CACNA1A: variants seen among roughly 807,000 people sequenced by gnomAD.
The protein encoded by CACNA1A is voltage-dependent P/Q-type calcium channel subunit alpha-1A.
In CACNA1A, 57 loss-of-function variants were observed where a neutral mutation model predicts 262.4. The observed-to-expected ratio is 0.22, with a 90% CI of 0.18 to 0.27. The LOEUF is 0.27. Ranked by LOEUF, CACNA1A falls within the 10% of genes least tolerant of loss-of-function variation. CACNA1A has a pLI of 1.00. For missense variants in CACNA1A, 2,526 were observed against 3,562.8 expected (o/e 0.71, Z 7.41); for synonymous variants, 1,431 against 1,419.3 (o/e 1.01, Z -0.18).
chr19:13,211,055 G>A, intron 43 of CACNA1A: 1 of 230,268 alleles, frequency 4.3e-6, no homozygotes, highest in Non-Finnish European at 8.8e-6. Context: ...CGTCAGCTGG[G>A]CTTGTCCCAA....
At chr19:13,257,141 C>G in intron 28 of CACNA1A, 1 of 416,032 alleles carries the variant, frequency 2.4e-6, no homozygotes, top group Admixed American at 3.8e-5. Context: ...GCGGCATAAC[C>G]TAGTCTAAAC....
intron 1 of CACNA1A, among the ~76,000 whole-genome samples, chr19:13,481,796 C>T (rs1979351724): frequency 6.6e-6 from 1 of 152,070 alleles, no homozygotes; most frequent in Admixed American, 6.5e-5. Context: ...GCCTGAGGGA[C>T]CGTTTCTAGG....
At position 13,308,366 on chromosome 19, in the gene CACNA1A, T is replaced by TA; in HGVS notation, c.1781+49_1781+50insT. On this transcript the variant is annotated intron_variant, in intron 13 of 46. Coordinates refer to ENST00000360228, the MANE Select transcript of CACNA1A (RefSeq NM_001127222.2). This position sits in a 1 kb window ranked among gnomAD's most constrained non-coding sequence, Gnocchi z 4.2. ...ACTTTCTGGAGGCGGCCCCACCATGTCCCCCATCCCCACCCCCTGTACAAA... is the reference window on the plus strand; with the variant it reads ...ACTTTCTGGAGGCGGCCCCACCATGTACCCCCATCCCCACCCCCTGTACAAA... 6.5e-7 allele frequency: 1 copy of TA among 1,529,626 alleles called. No homozygotes were observed. The highest frequency in any genetic ancestry group is 8.9e-7 in the Non-Finnish European group (1 of 1,122,970). The allele number at this position is 1,529,626 out of a possible 1,614,324, so 94.8% of individuals were successfully genotyped here. A position where few individuals can be genotyped will look rare whatever the true frequency, so the allele number is the denominator to read the frequency against.
chr19:13,499,274 A>G (rs1280586542), intron 1 of CACNA1A, among the ~76,000 whole-genome samples: 2 of 152,128 alleles, frequency 1.3e-5, no homozygotes, highest in East Asian at 3.9e-4. Flanking sequence ...AAAGGAGGAA[A>G]GAGAATTAAT....
At chr19:13,238,130 C>G (rs1308677169) in intron 31 of CACNA1A, among the ~76,000 whole-genome samples, 1 of 152,120 alleles carries the variant, frequency 6.6e-6, no homozygotes, top group African/African-American at 2.4e-5. Flanking sequence ...TACTAGTCTG[C>G]CCTCATCCAC....
rs766371895 is a variant in CACNA1A at position 13,208,762 on chromosome 19, G to A, written c.6774C>T (p.His2258=). 6.4e-7 allele frequency: 1 copy of A among 1,574,262 alleles called. No individual in the cohort carries two copies. The highest frequency in any genetic ancestry group is 8.6e-7 in the Non-Finnish European group (1 of 1,166,986). The change falls in exon 46 of 47, where the codon CAC becomes CAT. Residue 2258 remains histidine, a synonymous_variant. Coordinates refer to ENST00000360228, the MANE Select transcript of CACNA1A (RefSeq NM_001127222.2). The part of the protein sequence containing the change: ...SPSEGREHMA[H]RQGSSSVSGS... Reference sequence around the variant, plus strand: ...CACTTGCAGCCGCACCCACCTGCCGGTGCGCCATGTGCTCTCGGCCCTCGC... The same window carrying A: ...CACTTGCAGCCGCACCCACCTGCCGATGCGCCATGTGCTCTCGGCCCTCGC...
At chr19:13,317,454 CCAT>C in intron 10 of CACNA1A, 133 bp from the exon 11 acceptor site, 1 of 659,674 alleles carries the variant, frequency 1.5e-6, no homozygotes, top group East Asian at 2.7e-5. Flanking sequence ...CCTGAGGGAA[CCAT>C]CATGACCCAT....
intron 6 of CACNA1A, among the ~76,000 whole-genome samples, chr19:13,353,472 C>T (rs977525788): frequency 6.6e-6 from 1 of 152,028 alleles, no homozygotes; most frequent in African/African-American, 2.4e-5. Flanking sequence ...CCCCTGTATC[C>T]TTAATATTCT....
At chr19:13,299,382 G>A in intron 18 of CACNA1A, 29 bp from the exon 19 acceptor site, 6 of 1,586,418 alleles carry the variant, frequency 3.8e-6, no homozygotes, top group Non-Finnish European at 5.1e-6. Context: ...AGGACTTAGA[G>A]CATTGCTAGG....
intron 10 of CACNA1A, among the ~76,000 whole-genome samples, chr19:13,328,023 T>C (rs28526398): frequency 0.24 from 37,233 of 152,122 alleles, 5,740 homozygotes; most frequent in African/African-American, 0.44. Context: ...CTTAGCTTCC[T>C]AAATAGATGG....
chr19:13,261,905 A>C, intron 25 of CACNA1A: 1 of 299,312 alleles, frequency 3.3e-6, no homozygotes, highest in Non-Finnish European at 6.3e-6. Context: ...TTCCTTTCCA[A>C]CTCTCTCAAT....
chr19:13,503,852 C>A (rs1982691253), intron 1 of CACNA1A, among the ~76,000 whole-genome samples: 1 of 152,004 alleles, frequency 6.6e-6, no homozygotes, highest in East Asian at 1.9e-4. Context: ...GCGAGCTGGC[C>A]AGAGAATAGA....
At chr19:13,291,990 G>A (rs2144916373) in intron 19 of CACNA1A, among the ~76,000 whole-genome samples, 1 of 152,270 alleles carries the variant, frequency 6.6e-6, no homozygotes, top group Non-Finnish European at 1.5e-5. Flanking sequence ...GATGCGAACA[G>A]CAGAGATAAG....
chr19:13,322,059 G>A (rs537429476), intron 10 of CACNA1A, among the ~76,000 whole-genome samples: 16 of 152,038 alleles, frequency 1.1e-4, no homozygotes, highest in South Asian at 6.2e-4. Flanking sequence ...AAAATTAGCC[G>A]GGCATGGTGG....
At chr19:13,420,754 G>A (rs1476747883) in intron 3 of CACNA1A, among the ~76,000 whole-genome samples, 1 of 152,062 alleles carries the variant, frequency 6.6e-6, no homozygotes, top group Non-Finnish European at 1.5e-5. Context: ...GCCAATATAG[G>A]GAGAGAAAGA....
intron 19 of CACNA1A, among the ~76,000 whole-genome samples, chr19:13,294,216 AAAAC>A (rs2057610461): frequency 1.3e-5 from 2 of 149,590 alleles, no homozygotes; most frequent in Non-Finnish European, 3.0e-5. Flanking sequence ...AAAAAAAAAA[AAAAC>A]AAACAAAACC....
intron 30 of CACNA1A, chr19:13,245,706 C>G (rs1489337398): frequency 6.6e-6 from 1 of 152,400 alleles, no homozygotes; most frequent in Non-Finnish European, 1.4e-5. Flanking sequence ...GAGTCTCGCT[C>G]AGTCATCCAG....
chr19:13,338,743 G>A (rs1207038124), intron 6 of CACNA1A, among the ~76,000 whole-genome samples: 1 of 152,204 alleles, frequency 6.6e-6, no homozygotes, highest in Non-Finnish European at 1.5e-5. Context: ...TTCTGGGGCT[G>A]AGAAGTTTCT....
chr19:13,288,913 A>G (rs1359601789), intron 19 of CACNA1A, among the ~76,000 whole-genome samples: 1 of 152,192 alleles, frequency 6.6e-6, no homozygotes, highest in Non-Finnish European at 1.5e-5. Flanking sequence ...TGTTTTTAGT[A>G]AGTGGAAGAG....
Sources: allele counts gnomAD v4.1 joint callset (sites outside exome capture counted in the v4.1 genomes callset), GRCh38; gene constraint gnomAD v4.1.1; non-coding constraint Gnocchi (gnomAD v3.1); transcripts MANE v1.5; gene names NCBI Gene and HGNC (gene_info 2026-07-23, HGNC 2026-07-21).